The following MACF1 variants were observed in gnomAD, a reference collection of about 807,000 sequenced individuals.
MACF1 encodes the protein microtubule-actin cross-linking factor 1.
MACF1 carries 193 observed loss-of-function variants against 854.8 expected under a neutral mutation model. The observed-to-expected ratio is 0.23, with a 90% CI of 0.20 to 0.25. The LOEUF (loss-of-function observed/expected upper bound fraction) is 0.25. MACF1 is among the 10% of genes least tolerant of loss of function. MACF1 has a pLI of 1.00. For missense variants in MACF1, 7,722 were observed against 8,929.1 expected (o/e 0.86, Z 5.45); for synonymous variants, 3,185 against 3,226.7 (o/e 0.99, Z 0.44).
At chr1:39,116,926 C>A (rs964370800) in intron 2 of MACF1, among the ~76,000 whole-genome samples, 26 of 152,102 alleles carry the variant, frequency 1.7e-4, no homozygotes, top group Non-Finnish European at 1.5e-5. Flanking sequence ...TACTACTCTC[C>A]CCAGGGCAGT....
chr1:39,177,573 TA>T (rs1644047167), intron 2 of MACF1, among the ~76,000 whole-genome samples: 1 of 152,192 alleles, frequency 6.6e-6, no homozygotes, highest in Admixed American at 6.5e-5. Flanking sequence ...TCGTAAATGT[TA>T]TTGCTAATGG....
At chr1:39,296,331 G>A (rs1407964320) in intron 20 of MACF1, among the ~76,000 whole-genome samples, 1 of 152,140 alleles carries the variant, frequency 6.6e-6, no homozygotes, top group Non-Finnish European at 1.5e-5. Flanking sequence ...ACATGTGGCT[G>A]TGCCTGGCTT....
chr1:39,238,350 A>C (rs983567737), intron 2 of MACF1, among the ~76,000 whole-genome samples: 2 of 152,178 alleles, frequency 1.3e-5, no homozygotes, highest in African/African-American at 2.4e-5. Context: ...CCTAGGGAAG[A>C]GGGAGATACA....
intron 57 of MACF1, 116 bp from the exon 58 acceptor site, chr1:39,387,071 A>G (rs1641836044): frequency 2.7e-6 from 3 of 1,102,754 alleles, no homozygotes; most frequent in Non-Finnish European, 3.9e-6. Context: ...TCTTTTTGGT[A>G]GGCCCTCAAG....
intron 45 of MACF1, 117 bp from the exon 46 acceptor site, chr1:39,358,579 AC>A (rs1647798912): frequency 6.7e-6 from 6 of 900,202 alleles, no homozygotes; most frequent in Admixed American, 4.5e-5. Context: ...TTCTGGCAAT[AC>A]CCTTATCTGA....
At chr1:39,272,424 A>G (rs1186098894) in intron 6 of MACF1, among the ~76,000 whole-genome samples, 8 of 152,226 alleles carry the variant, frequency 5.3e-5, no homozygotes, top group Non-Finnish European at 1.2e-4. Flanking sequence ...CTGGGAGGGC[A>G]AGGGTCAGAA....
rs530715963 is a variant in MACF1, at chr1:39,410,620, C to T, written c.15817-11754C>T. 2.0e-5 allele frequency: 32 copies of T among 1,613,940 alleles called. No individual in the cohort carries two copies. The South Asian group carries it at 3.3e-4, about 17-fold the overall frequency. ...GTCAGCACCTGTGCCACCCAGAAGGCGGCCAAATGCAGAACGCAAAGACAA... is the reference window on the plus strand; with the variant it reads ...GTCAGCACCTGTGCCACCCAGAAGGTGGCCAAATGCAGAACGCAAAGACAA... On this transcript the variant is annotated intron_variant, in intron 58 of 100. Transcript: ENST00000564288.
At chr1:39,174,992 G>C (rs899726497) in intron 2 of MACF1, among the ~76,000 whole-genome samples, 1 of 152,190 alleles carries the variant, frequency 6.6e-6, no homozygotes, top group African/African-American at 2.4e-5. Context: ...TTTATAAACT[G>C]CTACCTTCTT....
intron 41 of MACF1, among the ~76,000 whole-genome samples, chr1:39,347,758 T>C (rs1004245371): frequency 5.3e-5 from 8 of 152,332 alleles, no homozygotes; most frequent in Admixed American, 3.3e-4. Flanking sequence ...TATTATTTTC[T>C]TGCACCTTTC....
At chr1:39,249,954 G>A (rs934041339) in intron 2 of MACF1, 60 bp from the exon 3 acceptor site, 2 of 849,658 alleles carry the variant, frequency 2.4e-6, no homozygotes, top group Non-Finnish European at 3.8e-6. Context: ...AGATTTTTAT[G>A]TGGATAGTAT....
At chr1:39,406,738 C>CAA (rs5773658) in intron 58 of MACF1, among the ~76,000 whole-genome samples, 904 of 31,572 alleles carry the variant, frequency 0.029, 46 homozygotes, top group Non-Finnish European at 0.044. Flanking sequence ...GAGTCTCACT[C>CAA]AAAAAAAAAA....
intron 2 of MACF1, among the ~76,000 whole-genome samples, chr1:39,137,406 C>T (rs930598794): frequency 6.6e-6 from 1 of 152,172 alleles, no homozygotes; most frequent in African/African-American, 2.4e-5. Flanking sequence ...CTTGCTCTGT[C>T]GCACAGAGTG....
Position 39,388,667 on chromosome 1 carries a change from G to A in MACF1, c.15816+9G>A. The A allele has an allele frequency of 1.3e-6, 2 of 1,533,700 alleles. No individual in the cohort carries two copies. The highest frequency in any genetic ancestry group is 1.7e-6 in the Non-Finnish European group (2 of 1,146,050). ...AATTAGCAGATTTTAAAGTAAGTCT[G>A]AACCTTGTTTTTCTTTTTCTTTTAC... On this transcript the variant is annotated intron_variant, in intron 58 of 100. Transcript: ENST00000564288.
intron 58 of MACF1, among the ~76,000 whole-genome samples, chr1:39,389,013 G>A (rs1641918662): frequency 6.6e-6 from 1 of 150,684 alleles, no homozygotes; most frequent in East Asian, 2.0e-4. Context: ...CAAGGAGCTG[G>A]GACCACAGGC....
intron 2 of MACF1, among the ~76,000 whole-genome samples, chr1:39,104,896 G>A (rs1220329631): frequency 6.6e-6 from 1 of 152,128 alleles, no homozygotes; most frequent in East Asian, 1.9e-4. Flanking sequence ...GTGGTCTTTT[G>A]CCCTCTGCTT....
intron 1 of MACF1, among the ~76,000 whole-genome samples, chr1:39,211,796 G>A (rs1053540818): frequency 1.3e-5 from 2 of 151,950 alleles, no homozygotes; most frequent in Non-Finnish European, 2.9e-5. Context: ...CAGGAGAATC[G>A]CTTGAACCCG....
chr1:39,480,862 C>T (rs1240827816), intron 98 of MACF1, 58 bp from the exon 99 acceptor site: 5 of 873,134 alleles, frequency 5.7e-6, no homozygotes, highest in African/African-American at 1.7e-5. Flanking sequence ...CCAATGTGCA[C>T]CCTTTTTGTT....
chr1:39,085,525 G>T (rs573338112), intron 2 of MACF1, among the ~76,000 whole-genome samples: 13 of 152,104 alleles, frequency 8.5e-5, no homozygotes, highest in African/African-American at 3.1e-4. Flanking sequence ...CTTCCAATGA[G>T]CATTTAATAG....
At chr1:39,402,048 C>T (rs1389588048) in intron 58 of MACF1, among the ~76,000 whole-genome samples, 1 of 151,774 alleles carries the variant, frequency 6.6e-6, no homozygotes, top group Non-Finnish European at 1.5e-5. Context: ...CCCGTCTCTA[C>T]TAAAAATACA....
Sources: allele counts gnomAD v4.1 joint callset (sites outside exome capture counted in the v4.1 genomes callset), GRCh38; gene constraint gnomAD v4.1.1; transcripts MANE v1.5; gene names NCBI Gene and HGNC (gene_info 2026-07-23, HGNC 2026-07-21).